Variants in PSMB8 observed in about 807,000 individuals in gnomAD.
PSMB8 encodes proteasome 20S subunit beta 8, also known as proteasome subunit beta type-8.
A neutral mutation model predicts 32.3 loss-of-function variants in PSMB8; 20 were observed. The observed-to-expected ratio is 0.62, with a 90% CI of 0.44 to 0.90. The LOEUF is 0.90. PSMB8 is among the 40% of genes least tolerant of loss of function. The probability of loss-of-function intolerance (pLI) is 0.00; values close to 1 mark genes in which losing one functional copy is unlikely to be tolerated. For synonymous variants in PSMB8, 131 were observed against 135.4 expected, an observed-to-expected ratio of 0.97 and a Z score of 0.23; for missense variants, 342 against 365.4, an observed-to-expected ratio of 0.94 and a Z score of 0.52.
At chr6:32,841,386 C>A (rs1418971030) in intron 5 of PSMB8, 145 bp downstream of exon 5, 3 of 832,078 alleles carry the variant, frequency 3.6e-6, no homozygotes, top group Non-Finnish European at 5.9e-6. Flanking sequence ...TACAGGCACC[C>A]GTCACCACGT....
chr6:32,842,633 C>T (rs771742484), intron 3 of PSMB8, 39 bp downstream of exon 3: 1 of 1,503,060 alleles, frequency 6.7e-7, no homozygotes, highest in East Asian at 2.3e-5. Context: ...CAGGGATTAA[C>T]CACTAGGCTA....
At chr6:32,843,458 G>A (rs1770067083) in intron 1 of PSMB8, among the ~76,000 whole-genome samples, 1 of 152,160 alleles carries the variant, frequency 6.6e-6, no homozygotes, top group Admixed American at 6.5e-5. Flanking sequence ...CCTAGACTAA[G>A]TGACTTGTTC....
chr6:32,843,924 C>G lies in PSMB8; in HGVS notation c.73G>C (p.Gly25Arg), dbSNP rs1162099919. The G allele has an allele frequency of 6.2e-7, 1 of 1,612,702 alleles. No individual in the cohort carries two copies. Among genetic ancestry groups the G allele is most frequent in the Non-Finnish European group, 8.5e-7 (1 of 1,179,930 alleles). ...PESALPVAGS[G>R]RRSDPGHYSF... is the part of the protein sequence containing the mutation. ...TAGTGTCCTGGGTCCGAGCGACGCC[C>G]GCTTCCCGCAACCGGGAGAGCCGAT... Residue 25 changes from glycine (G) to arginine (R), a missense_variant, in exon 1 of 6, where the codon GGG (glycine) becomes CGG (arginine). Gly to Arg is a moderately radical substitution (Grantham distance 125, BLOSUM62 -2). Coordinates refer to ENST00000374882, the MANE Select transcript of PSMB8 (RefSeq NM_148919.4).
intron 5 of PSMB8, among the ~76,000 whole-genome samples, chr6:32,841,273 T>C (rs1301415732): frequency 6.6e-6 from 1 of 152,186 alleles, no homozygotes; most frequent in East Asian, 1.9e-4. Context: ...AGTCTCACTC[T>C]GTGGCCCAGA....
Position 32,842,229 on chromosome 6 carries a change from C to G in PSMB8, c.442G>C (p.Val148Leu). The G allele has an allele frequency of 6.2e-7, 1 of 1,613,130 alleles. No homozygotes were observed. The highest frequency in any genetic ancestry group is 8.5e-7 in the Non-Finnish European group (1 of 1,180,046). Residue 148 changes from valine (V) to leucine (L), a missense_variant, in exon 4 of 6, where the codon GTG (valine) becomes CTG (leucine). Val to Leu is a conservative substitution (Grantham distance 32). Transcript: ENST00000374882. ...YYLRNGERIS[V>L]SAASKLLSNM... ...GACAGCAGCTTGGAGGCTGCCGACA[C>G]TGAAATACGTTCTCCATTTCGCAGA...
chr6:32,843,937 C>G lies in PSMB8; in HGVS notation c.60G>C (p.Pro20=), dbSNP rs534440899. The part of the protein sequence containing the change: ...PRGQRPESAL[P]VAGSGRRSDP... ...CCGAGCGACGCCCGCTTCCCGCAAC[C>G]GGGAGAGCCGATTCCGGCCGCTGCC... Residue 20 remains proline (P), a synonymous_variant, in exon 1 of 6, where the codon CCG becomes CCC. Transcript: ENST00000374882. 6.8e-6 allele frequency: 11 copies of G among 1,612,572 alleles called. No homozygotes were observed. The East Asian group carries it at 2.2e-4, about 33-fold the overall frequency.
intron 4 of PSMB8, 30 bp downstream of exon 4, chr6:32,842,104 G>C: frequency 6.2e-7 from 1 of 1,613,078 alleles, no homozygotes; most frequent in Non-Finnish European, 8.5e-7. Flanking sequence ...GGAACATGGT[G>C]GGGGAACATG....
Position 32,841,845 on chromosome 6 carries a change from A to G in PSMB8, c.538-110T>C, listed in dbSNP as rs1050260045. The stretch of plus-strand genomic sequence containing the variant: ...CAAAAGAATTAATATTACCACAAGA[A>G]CATTGGAATTAGGAAACCACTTTGG... On this transcript the variant is annotated intron_variant, in intron 4 of 5. Coordinates refer to ENST00000374882, the MANE Select transcript of PSMB8 (RefSeq NM_148919.4). 5.4e-5 allele frequency: 65 copies of G among 1,203,164 alleles called. 2 individuals are homozygous for G. The highest frequency in any genetic ancestry group is 3.3e-4 in the East Asian group (14 of 42,686). 74.5% of individuals were successfully genotyped at this position (1,203,164 alleles called of 1,614,324 possible).
rs1229005493 is a variant in PSMB8 at position 32,840,862 on chromosome 6, G to A, written c.*97C>T. 2 of 1,048,796 alleles carry A rather than the reference G, an allele frequency of 1.9e-6. No homozygotes were observed. Among genetic ancestry groups the A allele is most frequent in the South Asian group, 1.3e-5 (1 of 77,296 alleles). The allele number at this position is 1,048,796 out of a possible 1,614,324, so 65.0% of individuals were successfully genotyped here. ...GAGCCCGTACTCTCTCTTTGGCTCA[G>A]GCTAGGCCTCTTCTTCTCCTTGGAC... On this transcript the variant is annotated 3_prime_UTR_variant, in exon 6 of 6. Transcript: ENST00000374882.
upstream of PSMB8, chr6:32,844,176 A>C: frequency 6.5e-7 from 1 of 1,532,632 alleles, no homozygotes; most frequent in Non-Finnish European, 8.9e-7. Flanking sequence ...CTCTCCCGTT[A>C]TGGGGGTCGG....
upstream of PSMB8, chr6:32,844,429 G>A (rs1247788985): frequency 6.2e-7 from 1 of 1,613,580 alleles, no homozygotes; most frequent in East Asian, 2.2e-5. Context: ...TACAAAACCA[G>A]GAGGGACGGA....
rs1770089878 is a variant in PSMB8 at position 32,843,709 on chromosome 6, TG to T, written c.147+140del. 376 of 1,005,898 alleles carry T rather than the reference TG, an allele frequency of 3.7e-4. 11 individuals are homozygous for T. The South Asian group carries it at 5.1e-3, about 14-fold the overall frequency. The allele number at this position is 1,005,898 out of a possible 1,614,324, so 62.3% of individuals were successfully genotyped here. A position where few individuals can be genotyped will look rare whatever the true frequency, so the allele number is the denominator to read the frequency against. On this transcript the variant is annotated intron_variant, in intron 1 of 5. Coordinates refer to ENST00000374882, the MANE Select transcript of PSMB8 (RefSeq NM_148919.4). ...CCCCATCCCCATGTGGCCTCTTCTT[TG>T]GGTCTGGCGCTCTCCGGGACTGAAG...
At position 32,842,942 on chromosome 6, in the gene PSMB8, T is replaced by G. The variant is rs1381795628; in HGVS notation, c.295A>C (p.Ser99Arg). 1 of 1,613,670 alleles carries G rather than the reference T, an allele frequency of 6.2e-7. No homozygotes were observed. Among genetic ancestry groups the G allele is most frequent in the Non-Finnish European group, 8.5e-7 (1 of 1,180,036 alleles). Residue 99 changes from serine to arginine, a missense_variant and splice_region_variant, in exon 2 of 6, where the codon AGT becomes CGT. Coordinates refer to ENST00000374882, the MANE Select transcript of PSMB8 (RefSeq NM_148919.4). Reference sequence around the variant, plus strand: ...TGCCTGCTGGAGCGTATACACTCACTAATGTAGGACCCAGCTGAGGCCCGA... The same window carrying G: ...TGCCTGCTGGAGCGTATACACTCACGAATGTAGGACCCAGCTGAGGCCCGA... ...DSRASAGSYI[S>R]ALRVNKVIEI...
At chr6:32,841,907 C>A (rs545350040) in intron 4 of PSMB8, 172 bp from the exon 5 acceptor site, 3 of 1,014,758 alleles carry the variant, frequency 3.0e-6, no homozygotes, top group Non-Finnish European at 4.4e-6. Context: ...AAAGGAAAAA[C>A]AAACTTGAAA....
chr6:32,840,916 CAAGACCTCCCAGAGGAG>C lies in PSMB8; in HGVS notation c.*26_*42del. The C allele has an allele frequency of 6.4e-7, 1 of 1,550,760 alleles. No individual in the cohort carries two copies. Among genetic ancestry groups the C allele is most frequent in the Non-Finnish European group, 8.9e-7 (1 of 1,122,318 alleles). On this transcript the variant is annotated 3_prime_UTR_variant, in exon 6 of 6. Coordinates refer to ENST00000374882, the MANE Select transcript of PSMB8 (RefSeq NM_148919.4). ...ACGTGGCTTAGGTCCCTGAGTCGGC[CAAGACCTCCCAGAGGAG>C]ACCTGCCCAGCTGCCACCACCACCA...
intron 1 of PSMB8, among the ~76,000 whole-genome samples, chr6:32,843,334 T>C (rs1481880294): frequency 6.6e-6 from 1 of 152,196 alleles, no homozygotes; most frequent in Non-Finnish European, 1.5e-5. Flanking sequence ...CATGTTACCA[T>C]TACTAAAAAA....
intron 5 of PSMB8, 132 bp downstream of exon 5, chr6:32,841,399 G>A (rs901551151): frequency 1.4e-5 from 13 of 947,216 alleles, no homozygotes; most frequent in South Asian, 6.7e-5. Context: ...CACCACGTCC[G>A]GCTAATTTTT....
chr6:32,843,830 G>A lies in PSMB8; in HGVS notation c.147+20C>T. On this transcript the variant is annotated intron_variant, in intron 1 of 5. Coordinates refer to ENST00000374882, the MANE Select transcript of PSMB8 (RefSeq NM_148919.4). ...GCGCCCGCCTCCCTGCATCCCTAGG[G>A]GCTTCCCTACTGCCCCGACCTGCAT... 1 of 1,612,184 alleles carries A rather than the reference G, an allele frequency of 6.2e-7. No homozygotes were observed. Among genetic ancestry groups the A allele is most frequent in the Non-Finnish European group, 8.5e-7 (1 of 1,179,950 alleles).
Position 32,841,572 on chromosome 6 carries a change from T to C in PSMB8, c.701A>G (p.Tyr234Cys), listed in dbSNP as rs55853041. The C allele has an allele frequency of 9.4e-4, 1,522 of 1,612,998 alleles. 4 individuals are homozygous for C. The highest frequency in any genetic ancestry group is 1.2e-3 in the Non-Finnish European group (1,419 of 1,180,034). The change falls in exon 5 of 6, where the codon TAT becomes TGT. Residue 234 changes from tyrosine (Y) to cysteine (C), a missense_variant. Coordinates refer to ENST00000374882, the MANE Select transcript of PSMB8 (RefSeq NM_148919.4). ...AGAATAGCTGTCTCTGTGAGTGGCA[T>C]AAGCAATAGCCCTGCGGCCAAGGTC... ...AYDLGRRAIA[Y>C]ATHRDSYSGG...
Sources: allele counts gnomAD v4.1 joint callset (sites outside exome capture counted in the v4.1 genomes callset), GRCh38; gene constraint gnomAD v4.1.1; transcripts MANE v1.5; gene names NCBI Gene and HGNC (gene_info 2026-07-23, HGNC 2026-07-21).